Variants in JPH3 observed in about 807,000 individuals in gnomAD.
JPH3 encodes the protein junctophilin-3.
A neutral mutation model predicts 59.6 loss-of-function variants in JPH3; 11 were observed. The observed-to-expected ratio is 0.18, with a 90% CI of 0.12 to 0.31. The LOEUF (loss-of-function observed/expected upper bound fraction) is 0.31, where lower values mean the gene tolerates loss of function less well. Among genes scored for constraint, JPH3 ranks in the 10% least tolerant of loss-of-function variants. JPH3 has a pLI of 1.00. For synonymous variants in JPH3, 673 were observed against 483.6 expected, an observed-to-expected ratio of 1.39 and a Z score of -5.14; for missense variants, 1,202 against 1,105.7, an observed-to-expected ratio of 1.09 and a Z score of -1.24.
chr16:87,625,432 C>T (rs998898851), intron 1 of JPH3, among the ~76,000 whole-genome samples: 1 of 152,224 alleles, frequency 6.6e-6, no homozygotes, highest in Non-Finnish European at 1.5e-5. Flanking sequence ...TCATCAGCCG[C>T]TGGGCACCCA....
intron 2 of JPH3, among the ~76,000 whole-genome samples, chr16:87,677,185 T>TATATACACACACACAC (rs1491266129): frequency 9.5e-5 from 9 of 95,196 alleles, no homozygotes; most frequent in East Asian, 3.1e-4. Flanking sequence ...TATATATATA[T>TATATACACACACACAC]ACACACACAC....
intron 2 of JPH3, among the ~76,000 whole-genome samples, chr16:87,681,793 G>C (rs750916410): frequency 5.9e-4 from 90 of 152,212 alleles, no homozygotes; most frequent in Non-Finnish European, 1.1e-3. Flanking sequence ...CTTCCGGGGA[G>C]CTTGGAGCCT....
intron 1 of JPH3, among the ~76,000 whole-genome samples, chr16:87,627,647 G>A (rs2031426225): frequency 6.8e-6 from 1 of 147,404 alleles, no homozygotes; most frequent in Non-Finnish European, 1.5e-5. Context: ...CTCCTTTGCA[G>A]CTTGGAGGGA....
At chr16:87,621,119 A>G (rs1414739424) in intron 1 of JPH3, among the ~76,000 whole-genome samples, 4 of 152,190 alleles carry the variant, frequency 2.6e-5, no homozygotes, top group Non-Finnish European at 5.9e-5. Flanking sequence ...AAATCGTGCC[A>G]CTGCACTCCA....
In JPH3 at chr16:87,689,892, G is replaced by A; in HGVS notation, c.1532G>A (p.Arg511Gln). ...FSRQVSVDEE[R>Q]GGDIQMLLEG... is the part of the protein sequence containing the mutation. Reference sequence around the variant, plus strand: ...AGGCAGGTGTCGGTGGACGAGGAGCGGGGCGGGGACATCCAGATGCTCCTG... The same window carrying A: ...AGGCAGGTGTCGGTGGACGAGGAGCAGGGCGGGGACATCCAGATGCTCCTG... Residue 511 changes from arginine to glutamine, a missense_variant, in exon 4 of 5, where the codon CGG (arginine) becomes CAG (glutamine). Physicochemically the swap from Arg to Gln is conservative, Grantham distance 43. Coordinates refer to ENST00000284262, the MANE Select transcript of JPH3 (RefSeq NM_020655.4). 3.4e-6 allele frequency: 5 copies of A among 1,472,026 alleles called. No homozygotes were observed. Among genetic ancestry groups the A allele is most frequent in the South Asian group, 1.4e-5 (1 of 73,114 alleles). 91.2% of individuals were successfully genotyped at this position (1,472,026 alleles called of 1,614,324 possible).
intron 2 of JPH3, among the ~76,000 whole-genome samples, chr16:87,674,837 T>A (rs1402818210): frequency 6.6e-6 from 1 of 152,184 alleles, no homozygotes; most frequent in African/African-American, 2.4e-5. Flanking sequence ...CTTGTCTCGC[T>A]GCAACCTCTG....
chr16:87,678,540 C>T (rs1459947543), intron 2 of JPH3, among the ~76,000 whole-genome samples: 1 of 152,098 alleles, frequency 6.6e-6, no homozygotes, highest in Non-Finnish European at 1.5e-5. Flanking sequence ...CTCCATCACA[C>T]ACACACACAC....
At chr16:87,673,022 C>A (rs4843256) in intron 2 of JPH3, among the ~76,000 whole-genome samples, 1 of 151,854 alleles carries the variant, frequency 6.6e-6, no homozygotes, top group South Asian at 2.1e-4. Context: ...AGCACGTGCA[C>A]GTAATCCCGG....
At chr16:87,665,036 G>T (rs189645373) in intron 2 of JPH3, among the ~76,000 whole-genome samples, 1 of 152,222 alleles carries the variant, frequency 6.6e-6, no homozygotes, top group Non-Finnish European at 1.5e-5. Flanking sequence ...ACAAATGGTC[G>T]GTGCTCCTTG....
chr16:87,683,560 T>C (rs2033346287), intron 2 of JPH3, among the ~76,000 whole-genome samples: 1 of 151,974 alleles, frequency 6.6e-6, no homozygotes, highest in Admixed American at 6.6e-5. Context: ...CGCCTCAGCC[T>C]CCCAAAGTGC....
chr16:87,677,227 A>ACACACACACACACACACACACAC (rs1567610816), intron 2 of JPH3, among the ~76,000 whole-genome samples: 7 of 99,112 alleles, frequency 7.1e-5, no homozygotes, highest in African/African-American at 9.1e-5. Flanking sequence ...CACACACACA[A>ACACACACACACACACACACACAC]AAAAAAAAAT....
At chr16:87,664,697 G>A (rs150833790) in intron 2 of JPH3, among the ~76,000 whole-genome samples, 51 of 152,298 alleles carry the variant, frequency 3.3e-4, no homozygotes, top group African/African-American at 9.9e-4. Flanking sequence ...GGAGCTCCAC[G>A]GTGAGCCACC....
intron 3 of JPH3, among the ~76,000 whole-genome samples, chr16:87,689,210 G>T (rs529762595): frequency 6.6e-6 from 1 of 152,328 alleles, no homozygotes; most frequent in South Asian, 2.1e-4. Flanking sequence ...GTCCCAGGCG[G>T]GTAGGGGTGT....
intron 4 of JPH3, among the ~76,000 whole-genome samples, chr16:87,692,340 C>T (rs1214385838): frequency 6.6e-6 from 1 of 152,222 alleles, no homozygotes; most frequent in Non-Finnish European, 1.5e-5. Context: ...GCAGGAGGGG[C>T]CCGTGCCAGC....
At chr16:87,634,593 C>A (rs1168387314) in intron 1 of JPH3, among the ~76,000 whole-genome samples, 1 of 152,246 alleles carries the variant, frequency 6.6e-6, no homozygotes, top group African/African-American at 2.4e-5. Flanking sequence ...ACCTTGGGCT[C>A]CCCTGCCCCA....
intron 2 of JPH3, among the ~76,000 whole-genome samples, chr16:87,657,530 C>T (rs2032545235): frequency 6.6e-6 from 1 of 152,144 alleles, no homozygotes; most frequent in African/African-American, 2.4e-5. Context: ...AACTTTAAAA[C>T]TGTTAAAGTG....
At chr16:87,674,878 A>G (rs1031115575) in intron 2 of JPH3, among the ~76,000 whole-genome samples, 33 of 151,970 alleles carry the variant, frequency 2.2e-4, no homozygotes, top group African/African-American at 7.0e-4. Flanking sequence ...CTCCTGCCTC[A>G]GCCTCCTGAG....
chr16:87,631,723 T>C (rs1376432245), intron 1 of JPH3, among the ~76,000 whole-genome samples: 1 of 152,198 alleles, frequency 6.6e-6, no homozygotes, highest in African/African-American at 2.4e-5. Flanking sequence ...GTGTTCTGGA[T>C]GAGTCCTTTA....
In JPH3 at chr16:87,632,273, C is replaced by T. The variant is rs953764405; in HGVS notation, c.383-11985C>T. Among the ~76,000 whole-genome samples the T allele has an allele frequency of 4.6e-5, 7 of 152,168 alleles. No individual in the cohort carries two copies. In the East Asian group the frequency reaches 9.7e-4, roughly 21 times the overall value. On this transcript the variant is annotated intron_variant, in intron 1 of 4. Transcript: ENST00000284262. Reference sequence around the variant, plus strand: ...GCCTGCTGAAGCATTGGCGAAAAGACGAAAAAAAGAGCACTTCCCTGGCAG... The same window carrying T: ...GCCTGCTGAAGCATTGGCGAAAAGATGAAAAAAAGAGCACTTCCCTGGCAG...
Sources: gnomAD v4.1 joint callset for allele counts (sites outside exome capture counted in the v4.1 genomes callset) on GRCh38, gnomAD v4.1.1 for gene constraint, MANE v1.5 for transcripts, NCBI Gene and HGNC (gene_info 2026-07-23, HGNC 2026-07-21) for gene names.